Variants in PRELID2 observed in about 807,000 individuals in gnomAD.
PRELID2 encodes the protein PRELI domain containing 2, also known as PRELI domain-containing protein 2.
PRELID2 carries 25 observed loss-of-function variants against 28.4 expected under a neutral mutation model. That is an observed-to-expected ratio of 0.88 (90% CI 0.64 to 1.23). The LOEUF (loss-of-function observed/expected upper bound fraction) is 1.23. Ranked by LOEUF, PRELID2 falls within the 50% of genes most tolerant of loss-of-function variation. The pLI is 0.00. For synonymous variants in PRELID2, 76 were observed against 71.6 expected (o/e 1.06, Z -0.31); for missense variants, 201 against 214.4 (o/e 0.94, Z 0.39).
At chr5:145,372,103 T>G in the PRELID2 span, among the ~76,000 whole-genome samples, 1 of 151,938 alleles carries the variant, frequency 6.6e-6, no homozygotes, top group African/African-American at 2.4e-5. Context: ...ATTTACCTCT[T>G]AACACTGCTT....
chr5:145,559,258 GAA>G (rs779927366), intron 1 of PRELID2, among the ~76,000 whole-genome samples: 1 of 88,396 alleles, frequency 1.1e-5, no homozygotes. Context: ...CATCTCAAAA[GAA>G]AAAAAAAAAA....
At chr5:145,626,702 T>C (rs191924838) in intron 1 of PRELID2, among the ~76,000 whole-genome samples, 2 of 152,166 alleles carry the variant, frequency 1.3e-5, no homozygotes, top group African/African-American at 4.8e-5. Flanking sequence ...AATCATTTTA[T>C]CAAAAAAAGA....
chr5:145,654,039 A>T (rs1472172243), intron 1 of PRELID2, among the ~76,000 whole-genome samples: 1 of 152,218 alleles, frequency 6.6e-6, no homozygotes, highest in Non-Finnish European at 1.5e-5. Context: ...AGAATCAAAC[A>T]GATGCAATAA....
the PRELID2 span, among the ~76,000 whole-genome samples, chr5:145,299,568 G>T: frequency 6.6e-6 from 1 of 151,410 alleles, no homozygotes; most frequent in Non-Finnish European, 1.5e-5. Flanking sequence ...ACACCTGATC[G>T]TTGCATCCTG....
At chr5:145,565,097 C>T (rs913830244) in intron 1 of PRELID2, among the ~76,000 whole-genome samples, 3 of 152,346 alleles carry the variant, frequency 2.0e-5, no homozygotes, top group East Asian at 3.9e-4. Context: ...TGTTCCTATT[C>T]GGTCATCTTG....
the PRELID2 span, among the ~76,000 whole-genome samples, chr5:145,300,721 G>A: frequency 8.7e-6 from 1 of 114,544 alleles, no homozygotes; most frequent in Non-Finnish European, 1.9e-5. Context: ...TTTTTTTGCA[G>A]TTCAGCTTGT....
chr5:145,438,245 C>T, the PRELID2 span, among the ~76,000 whole-genome samples: 12 of 152,006 alleles, frequency 7.9e-5, no homozygotes, highest in East Asian at 1.9e-4. Context: ...TCACTGTTAA[C>T]ATCAGAGATT....
Position 145,526,250 on chromosome 5 carries a change from A to G in PRELID2, n.71-52935T>C, listed in dbSNP as rs528813225. On this transcript the variant is annotated intron_variant and non_coding_transcript_variant, in intron 1 of 2. Coordinates refer to the PRELID2 transcript ENST00000510259. Reference sequence around the variant, plus strand: ...CTCATCCAAGGTCACACGTGTGCTAAGTAGCAGAGATGGGATTTAAGTCTA... The same window carrying G: ...CTCATCCAAGGTCACACGTGTGCTAGGTAGCAGAGATGGGATTTAAGTCTA... 4.6e-5 allele frequency among the ~76,000 whole-genome samples: 7 copies of G among 152,372 alleles called. No individual in the cohort carries two copies. In the East Asian group the frequency reaches 1.4e-3, roughly 29 times the overall value.
At chr5:145,292,612 CA>C in the PRELID2 span, among the ~76,000 whole-genome samples, 1 of 152,122 alleles carries the variant, frequency 6.6e-6, no homozygotes, top group African/African-American at 2.4e-5. Context: ...AAGGGTGGAC[CA>C]GGGGCTGAAT....
chr5:145,401,972 C>A, the PRELID2 span, among the ~76,000 whole-genome samples: 1 of 152,142 alleles, frequency 6.6e-6, no homozygotes, highest in African/African-American at 2.4e-5. Flanking sequence ...CACCCACCCC[C>A]GTTGCTTCTA....
chr5:145,451,980 G>GCTTTT, the PRELID2 span, among the ~76,000 whole-genome samples: 1 of 152,228 alleles, frequency 6.6e-6, no homozygotes, highest in African/African-American at 2.4e-5. Context: ...CCTTGTTCTT[G>GCTTTT]CTTTTCCAAA....
intron 1 of PRELID2, among the ~76,000 whole-genome samples, chr5:145,544,989 C>T (rs2083576136): frequency 6.6e-6 from 1 of 152,100 alleles, no homozygotes; most frequent in Non-Finnish European, 1.5e-5. Flanking sequence ...TTCAAACCCA[C>T]ACTCTGATAA....
At chr5:145,462,373 T>C in the PRELID2 span, among the ~76,000 whole-genome samples, 2 of 152,342 alleles carry the variant, frequency 1.3e-5, no homozygotes, top group African/African-American at 2.4e-5. Flanking sequence ...GATATTACCA[T>C]GTCAATCATT....
chr5:145,821,447 G>T (rs28540454), intron 2 of PRELID2, among the ~76,000 whole-genome samples: 1 of 151,948 alleles, frequency 6.6e-6, no homozygotes, highest in African/African-American at 2.4e-5. Context: ...TTTGTTCTGC[G>T]GTGAAGTTTC....
intron 1 of PRELID2, among the ~76,000 whole-genome samples, chr5:145,616,100 A>T (rs547747256): frequency 6.6e-6 from 1 of 152,308 alleles, no homozygotes; most frequent in South Asian, 2.1e-4. Context: ...GTTTCTGTTG[A>T]GAAGTCTGCT....
intron 1 of PRELID2, among the ~76,000 whole-genome samples, chr5:145,631,840 C>T (rs1753937426): frequency 6.6e-6 from 1 of 152,122 alleles, no homozygotes; most frequent in South Asian, 2.1e-4. Context: ...CTACAATGTA[C>T]ATTACATACT....
chr5:145,270,894 T>C, the PRELID2 span, among the ~76,000 whole-genome samples: 2 of 152,056 alleles, frequency 1.3e-5, no homozygotes, highest in African/African-American at 4.8e-5. Context: ...GACTGAATAA[T>C]TTATAAAGGA....
chr5:145,445,719 G>C, the PRELID2 span, among the ~76,000 whole-genome samples: 3 of 137,880 alleles, frequency 2.2e-5, no homozygotes, highest in East Asian at 6.2e-4. Flanking sequence ...ATGGGCAAAC[G>C]ATCTGAACAG....
intron 1 of PRELID2, among the ~76,000 whole-genome samples, chr5:145,736,710 A>C (rs909037599): frequency 1.3e-5 from 2 of 152,174 alleles, no homozygotes; most frequent in African/African-American, 2.4e-5. Context: ...TAATTCCCCC[A>C]AAAAAATATG....
Sources: gnomAD v4.1 joint callset for allele counts (sites outside exome capture counted in the v4.1 genomes callset) on GRCh38, gnomAD v4.1.1 for gene constraint, MANE v1.5 for transcripts, NCBI Gene and HGNC (gene_info 2026-07-23, HGNC 2026-07-21) for gene names.